Variants in TTLL11 observed in about 807,000 individuals in gnomAD.
TTLL11 encodes tubulin polyglutamylase TTLL11.
In TTLL11, 42 loss-of-function variants were observed where a neutral mutation model predicts 51.7. That is an observed-to-expected ratio of 0.81 (90% CI 0.64 to 1.05). The LOEUF (loss-of-function observed/expected upper bound fraction) is 1.05, where lower values mean the gene tolerates loss of function less well. Ranked by LOEUF, TTLL11 falls within the 50% of genes least tolerant of loss-of-function variation. The pLI, the probability that TTLL11 is intolerant of heterozygous loss-of-function variation, is 0.00. For synonymous variants in TTLL11, 381 were observed against 383.5 expected, an observed-to-expected ratio of 0.99 and a Z score of 0.08; for missense variants, 799 against 940.4, an observed-to-expected ratio of 0.85 and a Z score of 1.97.
chr9:122,019,629 T>C (rs1330605802), intron 3 of TTLL11, among the ~76,000 whole-genome samples: 1 of 152,112 alleles, frequency 6.6e-6, no homozygotes, highest in Non-Finnish European at 1.5e-5. Context: ...GTTCATATTT[T>C]TAGTAGAGAC....
At chr9:121,838,117 C>T (rs1206965860) in intron 8 of TTLL11, among the ~76,000 whole-genome samples, 1 of 152,224 alleles carries the variant, frequency 6.6e-6, no homozygotes, top group African/African-American at 2.4e-5. Context: ...ACTGGGATAT[C>T]GCATTAGCCT....
At chr9:121,881,122 CA>C (rs1362252258) in intron 6 of TTLL11, among the ~76,000 whole-genome samples, 3 of 152,098 alleles carry the variant, frequency 2.0e-5, no homozygotes, top group African/African-American at 7.2e-5. Context: ...TCTGTTTTAC[CA>C]CCTCCAAAAT....
At chr9:121,888,266 G>A (rs1259923690) in intron 6 of TTLL11, among the ~76,000 whole-genome samples, 1 of 152,210 alleles carries the variant, frequency 6.6e-6, no homozygotes, top group Non-Finnish European at 1.5e-5. Context: ...AGAGCACTGG[G>A]CAAAGGAGTC....
chr9:122,038,084 G>A (rs529417587), intron 2 of TTLL11, among the ~76,000 whole-genome samples: 2 of 152,252 alleles, frequency 1.3e-5, no homozygotes, highest in South Asian at 4.1e-4. Context: ...CTGCAACCAT[G>A]CAAAAAGGAT....
chr9:121,898,768 C>T (rs1839641820), intron 6 of TTLL11, among the ~76,000 whole-genome samples: 1 of 152,234 alleles, frequency 6.6e-6, no homozygotes, highest in South Asian at 2.1e-4. Context: ...ATCCTCTTGC[C>T]TCAGCCTCCT....
chr9:121,895,669 G>C (rs1031317237), intron 6 of TTLL11, among the ~76,000 whole-genome samples: 1 of 66,260 alleles, frequency 1.5e-5, no homozygotes, highest in Non-Finnish European at 3.4e-5. Context: ...GGTTGTGTGT[G>C]TTTATGTGTG....
chr9:122,009,045 A>T (rs1205601517), intron 3 of TTLL11, among the ~76,000 whole-genome samples: 1 of 152,222 alleles, frequency 6.6e-6, no homozygotes, highest in African/African-American at 2.4e-5. Context: ...GGCATTGGGG[A>T]GCTATTTGTC....
At chr9:121,842,214 G>A (rs1038693215) in intron 8 of TTLL11, among the ~76,000 whole-genome samples, 1 of 151,740 alleles carries the variant, frequency 6.6e-6, no homozygotes, top group East Asian at 1.9e-4. Flanking sequence ...GTAAAACAAG[G>A]GGGTTGAAAG....
At chr9:121,996,382 C>G (rs1588188134) in intron 3 of TTLL11, among the ~76,000 whole-genome samples, 1 of 152,176 alleles carries the variant, frequency 6.6e-6, no homozygotes, top group East Asian at 1.9e-4. Flanking sequence ...TTCCCAAAGT[C>G]CTTCTCCATA....
chr9:121,840,342 C>T (rs920271424), intron 8 of TTLL11, among the ~76,000 whole-genome samples: 1 of 152,112 alleles, frequency 6.6e-6, no homozygotes, highest in Admixed American at 6.5e-5. Context: ...AGCTGGCTAC[C>T]GATGGATGCA....
chr9:121,907,905 T>G (rs1049992795), intron 6 of TTLL11, among the ~76,000 whole-genome samples: 6 of 152,200 alleles, frequency 3.9e-5, no homozygotes, highest in Non-Finnish European at 8.8e-5. Flanking sequence ...CTAAAAAGTT[T>G]TGGAGTGACA....
intron 6 of TTLL11, among the ~76,000 whole-genome samples, chr9:121,935,304 C>G (rs1841160467): frequency 1.3e-5 from 2 of 152,144 alleles, no homozygotes; most frequent in Admixed American, 6.5e-5. Context: ...CTCATCACTG[C>G]TTTTACAGCA....
intron 1 of TTLL11, among the ~76,000 whole-genome samples, chr9:122,071,267 G>A (rs1845719801): frequency 6.6e-6 from 1 of 152,096 alleles, no homozygotes; most frequent in Admixed American, 6.6e-5. Context: ...GCTGAAATAT[G>A]TCATTGGTTA....
chr9:121,816,859 TAG>T lies in TTLL11; in HGVS notation c.*5726_*5727del, dbSNP rs1169637185. On this transcript the variant is annotated 3_prime_UTR_variant, in exon 9 of 9. Coordinates refer to ENST00000321582, the MANE Select transcript of TTLL11 (RefSeq NM_001139442.2). ...TCATCTCCAGGAACAGAAAAAAATT[TAG>T]ACTTATTTTGTGAGGGAGAAATTCA... 3.3e-5 allele frequency: 5 copies of T among 152,214 alleles called. No individual in the cohort carries two copies. Among genetic ancestry groups the T allele is most frequent in the Non-Finnish European group, 5.9e-5 (4 of 68,044 alleles). 9.4% of individuals were successfully genotyped at this position (152,214 alleles called of 1,614,324 possible). A position where few individuals can be genotyped will look rare whatever the true frequency, so the allele number is the denominator to read the frequency against.
intron 1 of TTLL11, among the ~76,000 whole-genome samples, chr9:122,073,569 TAAAG>T (rs1845784269): frequency 6.6e-6 from 1 of 152,006 alleles, no homozygotes; most frequent in Non-Finnish European, 1.5e-5. Flanking sequence ...GAAGGCTTCT[TAAAG>T]AAAGTGAGAT....
At chr9:121,881,163 T>C (rs1460814298) in intron 6 of TTLL11, among the ~76,000 whole-genome samples, 1 of 152,244 alleles carries the variant, frequency 6.6e-6, no homozygotes, top group East Asian at 1.9e-4. Flanking sequence ...GAGCTTTCAT[T>C]GTACAGCTCT....
Position 121,990,093 on chromosome 9 carries a change from G to T in TTLL11, c.694-323C>A, listed in dbSNP as rs879367665. On this transcript the variant is annotated intron_variant, in intron 3 of 8. Transcript: ENST00000321582. ...TATAACTAATAATAGTGCTGAGAAT[G>T]ATAATGATGGTGAGCTAATATCATT... 3.9e-5 allele frequency among the ~76,000 whole-genome samples: 6 copies of T among 152,364 alleles called. No individual in the cohort carries two copies. The East Asian group carries it at 1.2e-3, about 29-fold the overall frequency.
At chr9:122,073,771 C>T (rs1845789798) in intron 1 of TTLL11, among the ~76,000 whole-genome samples, 1 of 152,220 alleles carries the variant, frequency 6.6e-6, no homozygotes, top group Non-Finnish European at 1.5e-5. Flanking sequence ...GGCCATGGCC[C>T]TTACTTGCCC....
rs78572116 is a variant in TTLL11 at position 121,903,508 on chromosome 9, G to A, written c.1482-32760C>T. On this transcript the variant is annotated intron_variant, in intron 6 of 8. Coordinates refer to ENST00000321582, the MANE Select transcript of TTLL11 (RefSeq NM_001139442.2). The stretch of plus-strand genomic sequence containing the variant: ...CCCAACTCTGTCACTGAGATGCTGT[G>A]TGACTTGGGCAAGTTCACTTAACTC... Among the ~76,000 whole-genome samples the A allele has an allele frequency of 8.6e-3, 1,307 of 152,276 alleles. 9 individuals are homozygous for A. Among genetic ancestry groups the A allele is most frequent in the Middle Eastern group, 0.024 (7 of 294 alleles).
Sources: gnomAD v4.1 joint callset for allele counts (sites outside exome capture counted in the v4.1 genomes callset) on GRCh38, gnomAD v4.1.1 for gene constraint, MANE v1.5 for transcripts, NCBI Gene and HGNC (gene_info 2026-07-23, HGNC 2026-07-21) for gene names.